Variants in CSMD3 observed in about 807,000 individuals in gnomAD.
CSMD3 encodes CUB and Sushi multiple domains 3.
A neutral mutation model predicts 435.2 loss-of-function variants in CSMD3; 177 were observed. The ratio of observed to expected loss-of-function variants is 0.41; its 90% CI spans 0.36 to 0.46. The LOEUF (loss-of-function observed/expected upper bound fraction) is 0.46. Among genes scored for constraint, CSMD3 ranks in the 20% least tolerant of loss-of-function variants. CSMD3 has a pLI of 0.34. For synonymous variants in CSMD3, 1,656 were observed against 1,520.5 expected (o/e 1.09, Z -2.07); for missense variants, 4,265 against 4,504.6 (o/e 0.95, Z 1.52).
chr8:113,261,559 G>GTGTGTGGGTGCA (rs2093427541), intron 3 of CSMD3, among the ~76,000 whole-genome samples: 1 of 152,064 alleles, frequency 6.6e-6, no homozygotes, highest in Admixed American at 6.6e-5. Flanking sequence ...AGAGCTTTGC[G>GTGTGTGGGTGCA]TGTGTGGGTG....
chr8:113,087,743 A>C (rs1043094065), intron 5 of CSMD3, among the ~76,000 whole-genome samples: 22 of 152,152 alleles, frequency 1.4e-4, no homozygotes, highest in Non-Finnish European at 2.9e-4. Flanking sequence ...TAGACCTAAA[A>C]CCATAAAAAC....
intron 35 of CSMD3, among the ~76,000 whole-genome samples, chr8:112,391,829 T>G (rs1830445120): frequency 6.6e-6 from 1 of 152,164 alleles, no homozygotes; most frequent in African/African-American, 2.4e-5. Context: ...AAAGAATATG[T>G]ATGCAGACCT....
intron 4 of CSMD3, among the ~76,000 whole-genome samples, chr8:113,132,106 G>T: frequency 6.6e-6 from 1 of 152,074 alleles, no homozygotes; most frequent in Non-Finnish European, 1.5e-5. Flanking sequence ...TTTACCCAAT[G>T]CCTGTACCTC....
chr8:112,454,855 G>T (rs1429192320), intron 32 of CSMD3, among the ~76,000 whole-genome samples: 10 of 151,964 alleles, frequency 6.6e-5, no homozygotes, highest in Non-Finnish European at 1.5e-5. Context: ...ACTGGACTCA[G>T]CATCTTTTGT....
chr8:112,291,321 A>C (rs995034081), intron 56 of CSMD3, among the ~76,000 whole-genome samples, 189 bp downstream of exon 56: 3 of 151,984 alleles, frequency 2.0e-5, no homozygotes, highest in African/African-American at 7.2e-5. Context: ...TTATCACATT[A>C]ATTTTAAGAA....
chr8:112,919,065 T>G (rs958658597), intron 10 of CSMD3, among the ~76,000 whole-genome samples: 3 of 151,920 alleles, frequency 2.0e-5, no homozygotes, highest in Admixed American at 6.6e-5. Flanking sequence ...AAAATGGACT[T>G]TGTAAACCAT....
At chr8:113,354,676 G>C (rs2094210282) in intron 1 of CSMD3, among the ~76,000 whole-genome samples, 1 of 152,120 alleles carries the variant, frequency 6.6e-6, no homozygotes, top group South Asian at 2.1e-4. Flanking sequence ...GTCCAACTCT[G>C]TTGCCCAGGC....
chr8:112,527,256 A>G (rs1472888723), intron 27 of CSMD3, among the ~76,000 whole-genome samples: 2 of 151,914 alleles, frequency 1.3e-5, no homozygotes, highest in Non-Finnish European at 2.9e-5. Flanking sequence ...AAAAGTAAAA[A>G]GATGCTAAAA....
intron 3 of CSMD3, among the ~76,000 whole-genome samples, chr8:113,213,863 T>C (rs971319768): frequency 3.9e-5 from 6 of 152,086 alleles, no homozygotes; most frequent in African/African-American, 1.2e-4. Flanking sequence ...TTTCTTTTAT[T>C]CATTTGTGAA....
intron 17 of CSMD3, among the ~76,000 whole-genome samples, chr8:112,659,476 C>T (rs975861147): frequency 6.6e-6 from 1 of 152,180 alleles, no homozygotes. Context: ...TTGATGTAAT[C>T]CAAACCCTTC....
At chr8:112,268,822 C>T (rs1420275180) in intron 59 of CSMD3, among the ~76,000 whole-genome samples, 1 of 152,170 alleles carries the variant, frequency 6.6e-6, no homozygotes, top group Non-Finnish European at 1.5e-5. Context: ...CCATTCCTCT[C>T]ATAATGCTTC....
chr8:113,236,558 T>C (rs976703631), intron 3 of CSMD3, among the ~76,000 whole-genome samples: 3 of 152,082 alleles, frequency 2.0e-5, no homozygotes, highest in Non-Finnish European at 2.9e-5. Flanking sequence ...CCTTTTTTTT[T>C]CCTGCCCTTG....
At chr8:113,150,400 G>T (rs547639808) in intron 4 of CSMD3, among the ~76,000 whole-genome samples, 2 of 152,034 alleles carry the variant, frequency 1.3e-5, no homozygotes, top group African/African-American at 4.8e-5. Flanking sequence ...GCCTTGTTAA[G>T]GACAGTGTTA....
chr8:112,903,347 T>C (rs1021318537), intron 10 of CSMD3, among the ~76,000 whole-genome samples: 2 of 151,140 alleles, frequency 1.3e-5, no homozygotes, highest in East Asian at 3.9e-4. Flanking sequence ...AAGGACATAA[T>C]AAGTCATTGT....
chr8:113,424,443 T>TA (rs1305393688), intron 1 of CSMD3, among the ~76,000 whole-genome samples: 1 of 151,718 alleles, frequency 6.6e-6, no homozygotes, highest in African/African-American at 2.4e-5. Flanking sequence ...TATATTTAGC[T>TA]AATTTTCTTG....
intron 1 of CSMD3, among the ~76,000 whole-genome samples, chr8:113,366,495 T>C (rs1351138949): frequency 1.3e-5 from 2 of 152,100 alleles, no homozygotes; most frequent in African/African-American, 4.8e-5. Flanking sequence ...ATAATTTTAA[T>C]TTATAATCTG....
intron 11 of CSMD3, among the ~76,000 whole-genome samples, chr8:112,855,149 TA>T (rs897054210): frequency 3.3e-5 from 5 of 152,142 alleles, no homozygotes; most frequent in African/African-American, 1.2e-4. Context: ...TTTCATCTCT[TA>T]AAAAATGTGG....
intron 1 of CSMD3, among the ~76,000 whole-genome samples, chr8:113,385,357 CA>C (rs1176112125): frequency 6.6e-6 from 1 of 152,008 alleles, no homozygotes; most frequent in East Asian, 1.9e-4. Flanking sequence ...AAAATAAACA[CA>C]AAAATGAAAC....
chr8:113,398,375 TATGTATC>T (rs1371437335), intron 1 of CSMD3, among the ~76,000 whole-genome samples: 1 of 152,224 alleles, frequency 6.6e-6, no homozygotes, highest in Non-Finnish European at 1.5e-5. Context: ...TTCACTGTCC[TATGTATC>T]ATTATTGCAT....
Sources: allele counts gnomAD v4.1 joint callset (sites outside exome capture counted in the v4.1 genomes callset), GRCh38; gene constraint gnomAD v4.1.1; transcripts MANE v1.5; gene names NCBI Gene and HGNC (gene_info 2026-07-23, HGNC 2026-07-21).